TFEC: variants seen among roughly 807,000 people sequenced by gnomAD.
TFEC encodes the protein transcription factor EC, also known as class E basic helix-loop-helix protein 34.
Under a neutral mutation model 41.6 loss-of-function variants are expected in TFEC, and 31 were observed. That is an observed-to-expected ratio of 0.74 (90% CI 0.56 to 1.01). The LOEUF (loss-of-function observed/expected upper bound fraction) is 1.01. TFEC is among the 50% of genes least tolerant of loss of function. The pLI, the probability that TFEC is intolerant of heterozygous loss-of-function variation, is 0.00. For missense variants in TFEC, 402 were observed against 404.1 expected, an observed-to-expected ratio of 0.99 and a Z score of 0.04; for synonymous variants, 143 against 140.6, an observed-to-expected ratio of 1.02 and a Z score of -0.12.
intron 3 of TFEC, among the ~76,000 whole-genome samples, chr7:116,096,158 T>C (rs1199039381): frequency 1.3e-5 from 2 of 152,094 alleles, no homozygotes; most frequent in African/African-American, 4.8e-5. Flanking sequence ...ATTTCTACTG[T>C]CTTATGGGCT....
chr7:116,136,344 A>G (rs1372578764), intron 1 of TFEC, among the ~76,000 whole-genome samples: 3 of 152,052 alleles, frequency 2.0e-5, no homozygotes, highest in South Asian at 4.1e-4. Flanking sequence ...TCAAATACGC[A>G]TATCTGCTAA....
At chr7:115,947,974 G>C (rs1018402565) in intron 6 of TFEC, among the ~76,000 whole-genome samples, 3 of 152,082 alleles carry the variant, frequency 2.0e-5, no homozygotes, top group Admixed American at 6.6e-5. Flanking sequence ...GAAAAAAAGA[G>C]AGAAGAATCA....
intron 1 of TFEC, among the ~76,000 whole-genome samples, chr7:116,027,769 G>C (rs755079195): frequency 2.0e-5 from 3 of 152,102 alleles, no homozygotes; most frequent in Non-Finnish European, 4.4e-5. Flanking sequence ...TTCAAGAAGA[G>C]AGACAATTTG....
exon 3 of TFEC, chr7:116,110,732 T>G: frequency 6.6e-7 from 1 of 1,523,974 alleles, no homozygotes; most frequent in Non-Finnish European, 8.8e-7. Context: ...GTAATTGACT[T>G]GAATAAATTT....
chr7:116,055,232 T>C lies in TFEC; in HGVS notation c.198+55476A>G, dbSNP rs138784282. Among the ~76,000 whole-genome samples, 7 of 152,258 alleles carry C rather than the reference T, an allele frequency of 4.6e-5. No individual in the cohort carries two copies. In the East Asian group the frequency reaches 1.2e-3, roughly 25 times the overall value. On this transcript the variant is annotated intron_variant, in intron 3 of 8. Transcript: ENST00000484212. ...ATTACTTTCAATAATTCCATAGTTA[T>C]ATTTAAAGCAAATTTAGCATTGTGT...
intron 3 of TFEC, among the ~76,000 whole-genome samples, chr7:116,084,459 T>G (rs1268002699): frequency 2.0e-5 from 3 of 151,906 alleles, no homozygotes; most frequent in Non-Finnish European, 4.4e-5. Context: ...CTTTCTACAC[T>G]GAGTCCGAGC....
At chr7:116,053,658 AAGAG>A (rs1796364934) in intron 3 of TFEC, among the ~76,000 whole-genome samples, 1 of 152,134 alleles carries the variant, frequency 6.6e-6, no homozygotes. Context: ...TAAGAACAGA[AAGAG>A]AGACCTAAGA....
chr7:116,049,866 C>T (rs1796265708), intron 3 of TFEC, among the ~76,000 whole-genome samples: 2 of 152,148 alleles, frequency 1.3e-5, no homozygotes, highest in East Asian at 3.8e-4. Context: ...GAACAACCTG[C>T]TCCTGAATGA....
At position 115,941,912 on chromosome 7, in the gene TFEC, C is replaced by A. The variant is rs1584544814; in HGVS notation, c.644G>T (p.Arg215Leu). ...AAAAACCTGAATCCGAAGTAGAAGT[C>A]GCCTGTTAGCCTGCTCTAATTTCTT... ...RQKKLEQANR[R>L]LLLRIQELEI... is the part of the protein sequence containing the mutation. Residue 215 changes from arginine (R) to leucine (L), a missense_variant, in exon 7 of 8, where the codon CGA (arginine) becomes CTA (leucine). Coordinates refer to ENST00000265440, the MANE Select transcript of TFEC (RefSeq NM_012252.4). The A allele has an allele frequency of 1.2e-6, 2 of 1,613,086 alleles. No individual in the cohort carries two copies. The highest frequency in any genetic ancestry group is 1.7e-6 in the Non-Finnish European group (2 of 1,179,412).
chr7:115,984,600 A>C (rs1793773037), intron 1 of TFEC, 87 bp from the exon 2 acceptor site: 1 of 1,453,882 alleles, frequency 6.9e-7, no homozygotes, highest in Non-Finnish European at 9.3e-7. Flanking sequence ...TAGGATAATA[A>C]ACACACTACA....
chr7:116,041,463 A>G (rs570881497), intron 3 of TFEC, among the ~76,000 whole-genome samples: 6 of 152,292 alleles, frequency 3.9e-5, no homozygotes, highest in Admixed American at 3.9e-4. Flanking sequence ...GATTTAAAAA[A>G]CAAAACAAAA....
chr7:116,033,821 A>C (rs1440589958), upstream of TFEC, among the ~76,000 whole-genome samples: 1 of 152,036 alleles, frequency 6.6e-6, no homozygotes, highest in Admixed American at 6.6e-5. Flanking sequence ...TCTGAACCCT[A>C]CTTCTCCCAC....
intron 1 of TFEC, among the ~76,000 whole-genome samples, chr7:115,991,871 C>T (rs1238378111): frequency 1.3e-5 from 2 of 152,172 alleles, no homozygotes; most frequent in African/African-American, 4.8e-5. Context: ...CAGATATCTA[C>T]AGAACTCTCC....
At chr7:116,036,484 T>C (rs927170072) in intron 3 of TFEC, among the ~76,000 whole-genome samples, 4 of 152,116 alleles carry the variant, frequency 2.6e-5, no homozygotes, top group Non-Finnish European at 4.4e-5. Flanking sequence ...GATATGACAA[T>C]ATAGACCAAA....
chr7:116,067,554 C>A (rs1796723725), intron 3 of TFEC, among the ~76,000 whole-genome samples: 2 of 151,970 alleles, frequency 1.3e-5, no homozygotes, highest in Non-Finnish European at 2.9e-5. Context: ...AGGGCAATTT[C>A]TTCTTATACA....
chr7:116,091,707 G>T (rs541083067), intron 3 of TFEC, among the ~76,000 whole-genome samples: 15 of 151,962 alleles, frequency 9.9e-5, no homozygotes, highest in African/African-American at 3.6e-4. Flanking sequence ...AAAATAACAA[G>T]AACTCAAATT....
chr7:116,029,778 T>A (rs1795725530), intron 1 of TFEC, among the ~76,000 whole-genome samples: 1 of 152,044 alleles, frequency 6.6e-6, no homozygotes, highest in Non-Finnish European at 1.5e-5. Flanking sequence ...ACTCTTTTGA[T>A]TATTACAATT....
chr7:116,154,608 C>A (rs1168441340), intron 1 of TFEC, among the ~76,000 whole-genome samples: 1 of 152,138 alleles, frequency 6.6e-6, no homozygotes, highest in Non-Finnish European at 1.5e-5. Flanking sequence ...GAGAGATTGG[C>A]ATTGCACTTA....
intron 3 of TFEC, among the ~76,000 whole-genome samples, chr7:116,082,361 A>G (rs1277479990): frequency 6.6e-6 from 1 of 151,978 alleles, no homozygotes; most frequent in Non-Finnish European, 1.5e-5. Flanking sequence ...TAACTTGATA[A>G]ACTACACTGA....
Sources: allele counts gnomAD v4.1 joint callset (sites outside exome capture counted in the v4.1 genomes callset), GRCh38; gene constraint gnomAD v4.1.1; transcripts MANE v1.5; gene names NCBI Gene and HGNC (gene_info 2026-07-23, HGNC 2026-07-21).